CASD1: variants seen among roughly 807,000 people sequenced by gnomAD.
CASD1 encodes N-acetylneuraminate (7)9-O-acetyltransferase.
In CASD1, 41 loss-of-function variants were observed where a neutral mutation model predicts 100.0. The ratio of observed to expected loss-of-function variants is 0.41; its 90% confidence interval spans 0.32 to 0.53. CASD1 has a LOEUF of 0.53. CASD1 is among the 20% of genes least tolerant of loss of function. The pLI is 0.25. For synonymous variants in CASD1, 321 were observed against 315.6 expected (o/e 1.02, Z -0.18); for missense variants, 774 against 948.7 (o/e 0.82, Z 2.42).
At chr7:94,533,588 AAAT>A (rs890103469) in intron 6 of CASD1, 88 bp from the exon 7 acceptor site, 9 of 942,570 alleles carry the variant, frequency 9.5e-6, no homozygotes, top group East Asian at 5.9e-5. Flanking sequence ...GAAATATCTA[AAAT>A]AATAACACTT....
chr7:94,595,690 TA>T, the CASD1 span, among the ~76,000 whole-genome samples: 1 of 152,228 alleles, frequency 6.6e-6, no homozygotes, highest in Non-Finnish European at 1.5e-5. Context: ...TTTTAAAACA[TA>T]GCTGTTTTTC....
At chr7:94,553,767 T>G (rs1282802546) in intron 16 of CASD1, 4 of 148,634 alleles carry the variant, frequency 2.7e-5, no homozygotes, top group Non-Finnish European at 6.0e-5. Flanking sequence ...CTGCACGTTG[T>G]GCACATGTAC....
the CASD1 span, chr7:94,587,516 C>A: frequency 7.7e-7 from 1 of 1,294,758 alleles, no homozygotes; most frequent in Non-Finnish European, 9.7e-7. Flanking sequence ...AGAAATTTTC[C>A]TTTTAAAAAA....
intron 5 of CASD1, among the ~76,000 whole-genome samples, chr7:94,530,507 G>A (rs1038460491): frequency 2.6e-5 from 4 of 152,106 alleles, no homozygotes; most frequent in African/African-American, 9.7e-5. Context: ...AAATACTTCA[G>A]GGTGTATTTT....
the CASD1 span, chr7:94,587,961 C>T: frequency 2.1e-6 from 3 of 1,426,362 alleles, no homozygotes; most frequent in Admixed American, 9.9e-5. Flanking sequence ...CCACACCCAA[C>T]TTACATTTTT....
At chr7:94,616,275 G>A in the CASD1 span, among the ~76,000 whole-genome samples, 9 of 152,072 alleles carry the variant, frequency 5.9e-5, no homozygotes, top group Non-Finnish European at 5.9e-5. Flanking sequence ...CTATACATAT[G>A]AAATATGAAA....
Position 94,552,287 on chromosome 7 carries a change from T to G in CASD1, c.1957-63T>G, listed in dbSNP as rs1795987585. ...ATAAAGAACTGTAAAAAAAAAACAC[T>G]GTGAGGCTTATGCCTCTTCCAGACT... is the stretch of plus-strand genomic sequence containing the variant. On this transcript the variant is annotated intron_variant, in intron 15 of 17. Coordinates refer to ENST00000297273, the MANE Select transcript of CASD1 (RefSeq NM_022900.5). The G allele has an allele frequency of 1.4e-5, 15 of 1,069,714 alleles. No homozygotes were observed. In the Admixed American group the frequency reaches 3.2e-4, roughly 23 times the overall value. The allele number at this position is 1,069,714 out of a possible 1,614,324, so 66.3% of individuals were successfully genotyped here.
the CASD1 span, among the ~76,000 whole-genome samples, chr7:94,612,663 G>A: frequency 6.6e-6 from 1 of 152,120 alleles, no homozygotes; most frequent in Non-Finnish European, 1.5e-5. Flanking sequence ...TCTAGAAGTG[G>A]AAACATTTTT....
the CASD1 span, chr7:94,621,863 G>A: frequency 1.3e-5 from 2 of 152,194 alleles, no homozygotes; most frequent in Non-Finnish European, 2.9e-5. Context: ...AGCCTTTGGG[G>A]AGTGGCAGAG....
At chr7:94,537,367 C>A in intron 8 of CASD1, 105 bp from the exon 9 acceptor site, 1 of 961,198 alleles carries the variant, frequency 1.0e-6, no homozygotes, top group East Asian at 2.4e-5. Flanking sequence ...GATACGAAAG[C>A]ATTCTGGTTT....
At chr7:94,606,355 C>G in the CASD1 span, among the ~76,000 whole-genome samples, 1 of 152,148 alleles carries the variant, frequency 6.6e-6, no homozygotes, top group Non-Finnish European at 1.5e-5. Flanking sequence ...GCCAACCTCA[C>G]AGCAAGGAAA....
the CASD1 span, chr7:94,629,741 T>A: frequency 6.2e-7 from 1 of 1,611,164 alleles, no homozygotes; most frequent in Non-Finnish European, 8.5e-7. Context: ...AAGGTGGAAA[T>A]TCCCCCTTAA....
At chr7:94,587,744 A>G in the CASD1 span, 80 of 1,534,826 alleles carry the variant, frequency 5.2e-5, no homozygotes, top group Non-Finnish European at 6.9e-5. Context: ...ACATCTTGTA[A>G]TTGAAATCTG....
rs1311031086 is a variant in CASD1, at chr7:94,510,217, G to A, written c.133G>A (p.Gly45Ser). ...CCACCTCGCCTCCCGCCGCTACCGAGGTGAGCGGGCCCTCCCCTCTGCCCG... is the reference window on the plus strand; with the variant it reads ...CCACCTCGCCTCCCGCCGCTACCGAAGTGAGCGGGCCCTCCCCTCTGCCCG... Reference protein sequence around the residue: ...ACHLASRRYRGNDSCEYLLSS... With the variant: ...ACHLASRRYRSNDSCEYLLSS... The change falls in exon 1 of 18, where the codon GGC (glycine) becomes AGC (serine). Residue 45 changes from glycine to serine, a missense_variant and splice_region_variant. This residue lies in a region of CASD1 where 75 missense variants were observed against 60.9 expected (regional missense o/e 1.23). Coordinates refer to ENST00000297273, the MANE Select transcript of CASD1 (RefSeq NM_022900.5). The A allele has an allele frequency of 1.1e-5, 16 of 1,503,798 alleles. No individual in the cohort carries two copies. The Admixed American group carries it at 3.2e-4, about 30-fold the overall frequency. The allele number at this position is 1,503,798 out of a possible 1,614,324, so 93.2% of individuals were successfully genotyped here.
the CASD1 span, among the ~76,000 whole-genome samples, chr7:94,583,223 A>G: frequency 6.6e-6 from 1 of 152,206 alleles, no homozygotes. Context: ...TCATCAGTGT[A>G]GACTTACAGA....
At chr7:94,620,093 C>T in the CASD1 span, 1 of 152,226 alleles carries the variant, frequency 6.6e-6, no homozygotes, top group East Asian at 1.9e-4. Context: ...TCATTTATTT[C>T]AATAAAATTC....
intron 13 of CASD1, among the ~76,000 whole-genome samples, chr7:94,547,725 G>A (rs1397789553): frequency 6.6e-6 from 1 of 151,630 alleles, no homozygotes; most frequent in Non-Finnish European, 1.5e-5. Context: ...TAACAGGATG[G>A]CAATCTTGCT....
chr7:94,545,680 A>G lies in CASD1; in HGVS notation c.1612A>G (p.Ile538Val). 3 of 1,594,964 alleles carry G rather than the reference A, an allele frequency of 1.9e-6. No individual in the cohort carries two copies. Among genetic ancestry groups the G allele is most frequent in the Non-Finnish European group, 2.6e-6 (3 of 1,170,362 alleles). ...TGTTACTTTAGCACTATGGCCACAA[A>G]TAATCCAAAAAAAAGCAAACGGTAA... ...IYVTLALWPQ[I>V]IQKKANGNCF... The change falls in exon 12 of 18, where the codon ATA (isoleucine) becomes GTA (valine). Residue 538 changes from isoleucine (I) to valine (V), a missense_variant. Physicochemically the swap from Ile to Val is conservative, Grantham distance 29. This residue lies in a region of CASD1 where 453 missense variants were observed against 532.6 expected (regional missense o/e 0.85). Transcript: ENST00000297273.
chr7:94,588,188 G>A, the CASD1 span: 30 of 1,078,350 alleles, frequency 2.8e-5, no homozygotes, highest in Non-Finnish European at 3.4e-5. Context: ...AAGGAGAATT[G>A]TCCGCCATCT....
Sources: gnomAD v4.1 joint callset for allele counts (sites outside exome capture counted in the v4.1 genomes callset) on GRCh38, gnomAD v4.1.1 for gene constraint, gnomAD v4.1.1 regional missense constraint, MANE v1.5 for transcripts, NCBI Gene and HGNC (gene_info 2026-07-23, HGNC 2026-07-21) for gene names.